Variants in CLEC17A observed in about 807,000 individuals in gnomAD.
CLEC17A encodes C-type lectin domain family 17, member A.
In CLEC17A, 37 loss-of-function variants were observed where a neutral mutation model predicts 61.3. The ratio of observed to expected loss-of-function variants is 0.60; its 90% CI spans 0.46 to 0.79. The LOEUF is 0.79. CLEC17A is among the 30% of genes least tolerant of loss of function. The pLI is 0.00. For missense variants in CLEC17A, 418 were observed against 464.7 expected (o/e 0.90, Z 0.92); for synonymous variants, 168 against 164.9 (o/e 1.02, Z -0.14).
chr19:14,596,684 C>T (rs916603729), intron 8 of CLEC17A, among the ~76,000 whole-genome samples, 192 bp from the exon 9 acceptor site: 7 of 152,180 alleles, frequency 4.6e-5, no homozygotes, highest in African/African-American at 1.4e-4. Flanking sequence ...CTTAGCGCAC[C>T]GTAAATGCAT....
At chr19:14,602,919 G>A (rs1262637309) in intron 12 of CLEC17A, among the ~76,000 whole-genome samples, 1 of 152,004 alleles carries the variant, frequency 6.6e-6, no homozygotes, top group East Asian at 1.9e-4. Flanking sequence ...ACTTTTGGTA[G>A]AGATGGGGTT....
At chr19:14,587,392 T>C (rs959853060) in intron 2 of CLEC17A, among the ~76,000 whole-genome samples, 2 of 152,146 alleles carry the variant, frequency 1.3e-5, no homozygotes, top group Non-Finnish European at 2.9e-5. Context: ...CTACCCCTTG[T>C]CATGTTCCTG....
chr19:14,593,350 A>AAT (rs2074465891), intron 4 of CLEC17A, among the ~76,000 whole-genome samples: 1 of 151,478 alleles, frequency 6.6e-6, no homozygotes, highest in South Asian at 2.1e-4. Flanking sequence ...AAAAAAAAAA[A>AAT]AAAAGGGAAG....
chr19:14,602,537 G>T (rs2074747102), intron 12 of CLEC17A, among the ~76,000 whole-genome samples: 2 of 151,586 alleles, frequency 1.3e-5, no homozygotes, highest in South Asian at 4.2e-4. Context: ...CAAGTGATCT[G>T]CCGCCTTCAC....
intron 12 of CLEC17A, among the ~76,000 whole-genome samples, chr19:14,601,345 G>T (rs1391141855): frequency 6.6e-6 from 1 of 152,192 alleles, no homozygotes; most frequent in East Asian, 1.9e-4. Context: ...ATCTTTTAAG[G>T]TGGTAGGGAA....
At position 14,596,469 on chromosome 19, in the gene CLEC17A, A is replaced by C. The variant is rs145794694; in HGVS notation, c.446-407A>C. 9.3e-4 allele frequency among the ~76,000 whole-genome samples: 141 copies of C among 152,144 alleles called. 1 individual carries two copies. The highest frequency in any genetic ancestry group is 3.4e-3 in the Middle Eastern group (1 of 294). ...AACATGGCGAGACCCCCATCTCTGCAAAAAAATAAAATAAATTAGCTGGGC... is the reference window on the plus strand; with the variant it reads ...AACATGGCGAGACCCCCATCTCTGCCAAAAAATAAAATAAATTAGCTGGGC... On this transcript the variant is annotated intron_variant, in intron 8 of 13. Coordinates refer to ENST00000417570, the MANE Select transcript of CLEC17A (RefSeq NM_001204118.2).
chr19:14,600,746 T>A (rs1005213809), intron 12 of CLEC17A, among the ~76,000 whole-genome samples: 31 of 151,556 alleles, frequency 2.0e-4, no homozygotes, highest in Middle Eastern at 3.4e-3. Context: ...CACGCCCGGC[T>A]AATTTTGTTT....
At chr19:14,587,756 G>A in intron 3 of CLEC17A, 65 bp downstream of exon 3, 1 of 1,598,826 alleles carries the variant, frequency 6.3e-7, no homozygotes, top group South Asian at 1.1e-5. Context: ...GTGGGCATTG[G>A]TTGGGCATTG....
chr19:14,606,679 CAAAA>C (rs576466666), intron 12 of CLEC17A, among the ~76,000 whole-genome samples: 4 of 66,440 alleles, frequency 6.0e-5, no homozygotes, highest in Non-Finnish European at 9.4e-5. Context: ...GACTCCCTCT[CAAAA>C]AAAAAAAAAA....
chr19:14,583,263 A>T (rs773785821), intron 1 of CLEC17A, 60 bp downstream of exon 1: 18 of 1,613,410 alleles, frequency 1.1e-5, no homozygotes, highest in Non-Finnish European at 1.5e-5. Flanking sequence ...AGGGTACAGA[A>T]TCCCCACCAT....
chr19:14,597,351 C>A (rs1224585383), intron 10 of CLEC17A, among the ~76,000 whole-genome samples, 190 bp downstream of exon 10: 1 of 152,124 alleles, frequency 6.6e-6, no homozygotes, highest in East Asian at 1.9e-4. Context: ...GTATATGTGT[C>A]CAGACCTCCA....
chr19:14,587,658 A>G lies in CLEC17A; in HGVS notation c.166A>G (p.Thr56Ala). The G allele has an allele frequency of 6.2e-7, 1 of 1,602,598 alleles. No individual in the cohort carries two copies. ...EEEDDDYENS[T>A]PPYKDLPPKP... ...GGAGGATGATGACTATGAGAACTCA[A>G]CACCTCCCTACAAGGACCTTCCTCC... The change falls in exon 3 of 14, where the codon ACA (threonine) becomes GCA (alanine). Residue 56 changes from threonine to alanine, a missense_variant. Coordinates refer to ENST00000417570, the MANE Select transcript of CLEC17A (RefSeq NM_001204118.2).
Sources: gnomAD v4.1 joint callset for allele counts (sites outside exome capture counted in the v4.1 genomes callset) on GRCh38, gnomAD v4.1.1 for gene constraint, MANE v1.5 for transcripts, NCBI Gene and HGNC (gene_info 2026-07-23, HGNC 2026-07-21) for gene names.